CFAP54: variants seen among roughly 807,000 people sequenced by gnomAD.
CFAP54 encodes cilia and flagella associated protein 54.
In CFAP54, 290 loss-of-function variants were observed where a neutral mutation model predicts 370.4. That is an observed-to-expected ratio of 0.78 (90% CI 0.71 to 0.86). CFAP54 has a LOEUF of 0.86. Ranked by LOEUF, CFAP54 falls within the 40% of genes least tolerant of loss-of-function variation. The pLI, the probability that CFAP54 is intolerant of heterozygous loss-of-function variation, is 0.00. For missense variants in CFAP54, 3,399 were observed against 3,528.7 expected, an observed-to-expected ratio of 0.96 and a Z score of 0.93; for synonymous variants, 1,206 against 1,236.5, an observed-to-expected ratio of 0.98 and a Z score of 0.52.
At chr12:96,846,440 T>G (rs897736605) in intron 66 of CFAP54, among the ~76,000 whole-genome samples, 6 of 152,188 alleles carry the variant, frequency 3.9e-5, no homozygotes, top group Non-Finnish European at 5.9e-5. Flanking sequence ...TTGGGACCCT[T>G]TATTAGCTCT....
At chr12:96,776,333 A>G (rs952097381) in intron 60 of CFAP54, among the ~76,000 whole-genome samples, 8 of 152,114 alleles carry the variant, frequency 5.3e-5, no homozygotes, top group African/African-American at 7.2e-5. Context: ...AAATTAGACA[A>G]ATCTATTAGT....
chr12:96,506,155 C>T lies in CFAP54; in HGVS notation c.568-773C>T, dbSNP rs549602142. ...GAGATCGAGACCATCCTGGCTAACA[C>T]GGTGAAACCCCGTCTCTACTAAAAA... On this transcript the variant is annotated intron_variant, in intron 3 of 67. Transcript: ENST00000524981. Among the ~76,000 whole-genome samples, 33 of 152,052 alleles carry T rather than the reference C, an allele frequency of 2.2e-4. No individual in the cohort carries two copies. In the South Asian group the frequency reaches 4.6e-3, roughly 21 times the overall value.
chr12:96,679,631 G>T lies in CFAP54; in HGVS notation c.5595G>T (p.Val1865=). Reference sequence around the variant, plus strand: ...GCCGAGCCAAAGCGCTTGTCTGCGTGCCCGTGGACGTGACAGACACCTTGA... The same window carrying T: ...GCCGAGCCAAAGCGCTTGTCTGCGTTCCCGTGGACGTGACAGACACCTTGA... ...EYSRAKALVC[V]PVDVTDTLRC... Residue 1865 remains valine (V), a synonymous_variant, in exon 40 of 68, where the codon GTG becomes GTT. Coordinates refer to ENST00000524981, the MANE Select transcript of CFAP54 (RefSeq NM_001306084.2). 1 of 1,613,006 alleles carries T rather than the reference G, an allele frequency of 6.2e-7. No individual in the cohort carries two copies.
At position 96,743,471 on chromosome 12, in the gene CFAP54, C is replaced by T. The variant is rs747114717; in HGVS notation, c.7289C>T (p.Thr2430Met). 8.1e-6 allele frequency: 13 copies of T among 1,613,830 alleles called. No individual in the cohort carries two copies. Among genetic ancestry groups the T allele is most frequent in the African/African-American group, 5.3e-5 (4 of 74,896 alleles). The part of the protein sequence containing the change: ...VCMEAKSAGD[T>M]ELQAEFLTQA... ...ATGGAGGCAAAAAGCGCAGGGGACA[C>T]GGAACTGCAGGCTGAATTCTTGACG... The change falls in exon 53 of 68, where the codon ACG becomes ATG. Residue 2430 changes from threonine (T) to methionine (M), a missense_variant. Transcript: ENST00000524981.
chr12:96,566,378 A>G (rs1955865399), intron 19 of CFAP54, among the ~76,000 whole-genome samples: 1 of 152,214 alleles, frequency 6.6e-6, no homozygotes, highest in Non-Finnish European at 1.5e-5. Context: ...GAAGTTGGAG[A>G]CCAAGAATTT....
intron 67 of CFAP54, among the ~76,000 whole-genome samples, chr12:96,866,013 A>C (rs988172448): frequency 6.6e-6 from 1 of 152,104 alleles, no homozygotes; most frequent in Non-Finnish European, 1.5e-5. Context: ...GTTCCTCACT[A>C]TAATTTAAAT....
intron 45 of CFAP54, 82 bp downstream of exon 45, chr12:96,693,890 T>C (rs1592711992): frequency 1.2e-6 from 1 of 845,030 alleles, no homozygotes; most frequent in Admixed American, 2.6e-5. Context: ...CTAGGACTTA[T>C]AATAACAAGC....
chr12:96,738,651 G>A (rs912722001), intron 50 of CFAP54, among the ~76,000 whole-genome samples: 1 of 136,824 alleles, frequency 7.3e-6, no homozygotes, highest in Non-Finnish European at 1.5e-5. Flanking sequence ...TCACTCTGTC[G>A]CCGGGCTGGA....
At chr12:96,659,427 A>G (rs544096126) in intron 38 of CFAP54, among the ~76,000 whole-genome samples, 18 of 152,106 alleles carry the variant, frequency 1.2e-4, no homozygotes, top group Non-Finnish European at 2.6e-4. Context: ...AACCACTGTA[A>G]TCTAGAGCTG....
chr12:96,817,928 A>G lies in CFAP54; in HGVS notation c.9096+15A>G. Reference sequence around the variant, plus strand: ...ATGAAATGGAAGTAAGTTGTTAAATAATGGAAAATGACATTGCTATAGATT... The same window carrying G: ...ATGAAATGGAAGTAAGTTGTTAAATGATGGAAAATGACATTGCTATAGATT... On this transcript the variant is annotated intron_variant, in intron 65 of 67. Coordinates refer to ENST00000524981, the MANE Select transcript of CFAP54 (RefSeq NM_001306084.2). The G allele has an allele frequency of 6.9e-7, 1 of 1,442,292 alleles. No individual in the cohort carries two copies. Among genetic ancestry groups the G allele is most frequent in the Admixed American group, 2.5e-5 (1 of 39,946 alleles). The allele number at this position is 1,442,292 out of a possible 1,614,324, so 89.3% of individuals were successfully genotyped here. A position where few individuals can be genotyped will look rare whatever the true frequency, so the allele number is the denominator to read the frequency against.
At chr12:96,719,765 T>A (rs1957727093) in intron 49 of CFAP54, among the ~76,000 whole-genome samples, 1 of 152,242 alleles carries the variant, frequency 6.6e-6, no homozygotes. Context: ...TTTCACGGTC[T>A]ATTTAGTACC....
intron 27 of CFAP54, among the ~76,000 whole-genome samples, 181 bp from the exon 28 acceptor site, chr12:96,623,586 A>G (rs530298809): frequency 6.6e-6 from 1 of 152,338 alleles, no homozygotes; most frequent in South Asian, 2.1e-4. Flanking sequence ...CACTATGTCT[A>G]CATTTAATTA....
intron 39 of CFAP54, among the ~76,000 whole-genome samples, chr12:96,670,827 C>T (rs1957136845): frequency 6.6e-6 from 1 of 152,316 alleles, no homozygotes; most frequent in South Asian, 2.1e-4. Context: ...TTTGCTGTGA[C>T]ACCGCCAGCA....
intron 3 of CFAP54, among the ~76,000 whole-genome samples, chr12:96,506,106 G>A (rs1422057573): frequency 3.3e-5 from 5 of 152,120 alleles, no homozygotes; most frequent in African/African-American, 4.8e-5. Flanking sequence ...TTGGGAGGCC[G>A]AGGCAGGCGG....
chr12:96,763,175 G>A (rs1008899650), intron 58 of CFAP54, among the ~76,000 whole-genome samples: 1 of 151,810 alleles, frequency 6.6e-6, no homozygotes, highest in Non-Finnish European at 1.5e-5. Flanking sequence ...AGCTACTGGT[G>A]GAGTTTTGTT....
intron 63 of CFAP54, among the ~76,000 whole-genome samples, chr12:96,793,221 T>C (rs139628517): frequency 7.9e-4 from 121 of 152,208 alleles, no homozygotes; most frequent in African/African-American, 2.6e-3. Context: ...CAAAATCTAT[T>C]GTATCATTCT....
At chr12:96,627,041 TATAC>T (rs1371613184) in intron 30 of CFAP54, 102 bp downstream of exon 30, 1 of 826,522 alleles carries the variant, frequency 1.2e-6, no homozygotes, top group Non-Finnish European at 1.6e-6. Context: ...GAGTGGAGTA[TATAC>T]AGTTAAAACC....
At chr12:96,751,455 T>C (rs536145471) in intron 55 of CFAP54, among the ~76,000 whole-genome samples, 1 of 152,250 alleles carries the variant, frequency 6.6e-6, no homozygotes, top group East Asian at 1.9e-4. Context: ...TACCATATCA[T>C]GTATCATATC....
chr12:96,726,292 A>T (rs2136618408), intron 50 of CFAP54, among the ~76,000 whole-genome samples: 1 of 152,212 alleles, frequency 6.6e-6, no homozygotes, highest in African/African-American at 2.4e-5. Context: ...TTCGGCTATG[A>T]ATCCATCTGG....
Sources: gnomAD v4.1 joint callset for allele counts (sites outside exome capture counted in the v4.1 genomes callset) on GRCh38, gnomAD v4.1.1 for gene constraint, MANE v1.5 for transcripts, NCBI Gene and HGNC (gene_info 2026-07-23, HGNC 2026-07-21) for gene names.